RB1: variants seen among roughly 807,000 people sequenced by gnomAD.
The protein encoded by RB1 is RB transcriptional corepressor 1.
Under a neutral mutation model 135.4 loss-of-function variants are expected in RB1, and 18 were observed. The observed-to-expected ratio is 0.13, with a 90% CI of 0.09 to 0.20. The LOEUF (loss-of-function observed/expected upper bound fraction) is 0.20, where lower values mean the gene tolerates loss of function less well. RB1 is among the 10% of genes least tolerant of loss of function. RB1 has a pLI of 1.00. For missense variants in RB1, 868 were observed against 1,110.0 expected (o/e 0.78, Z 3.10); for synonymous variants, 365 against 373.2 (o/e 0.98, Z 0.25).
At chr13:48,346,498 G>A (rs4151470) in intron 4 of RB1, among the ~76,000 whole-genome samples, 1 of 147,952 alleles carries the variant, frequency 6.8e-6, no homozygotes, top group Non-Finnish European at 1.5e-5. Flanking sequence ...TTCATATCTG[G>A]TAGCTTATTT....
At chr13:48,355,525 A>C (rs537522280) in intron 6 of RB1, among the ~76,000 whole-genome samples, 1 of 152,218 alleles carries the variant, frequency 6.6e-6, no homozygotes, top group Non-Finnish European at 1.5e-5. Flanking sequence ...TCTCAAAAAA[A>C]TTAAAAATTG....
chr13:48,456,399 TG>T, intron 19 of RB1, 50 bp downstream of exon 19: 1 of 1,600,638 alleles, frequency 6.2e-7, no homozygotes, highest in South Asian at 1.1e-5. Flanking sequence ...CTAGGCTGAC[TG>T]GGTTCAAATC....
chr13:48,465,436 A>T, intron 23 of RB1, 68 bp downstream of exon 23: 1 of 1,412,222 alleles, frequency 7.1e-7, no homozygotes, highest in Non-Finnish European at 1.0e-6. Flanking sequence ...AAGAATAAAA[A>T]ATATAAAGCA....
At chr13:48,317,021 G>A (rs975039447) in intron 2 of RB1, 1 of 581,742 alleles carries the variant, frequency 1.7e-6, no homozygotes, top group Non-Finnish European at 2.8e-6. Context: ...TTTCCTCCGA[G>A]CCCGAGTTCC....
intron 17 of RB1, among the ~76,000 whole-genome samples, chr13:48,423,369 G>A (rs953240623): frequency 6.6e-6 from 1 of 151,732 alleles, no homozygotes; most frequent in Non-Finnish European, 1.5e-5. Flanking sequence ...CCGCAGGTTG[G>A]GTTTTTTCAC....
intron 23 of RB1, among the ~76,000 whole-genome samples, chr13:48,467,273 A>G (rs1949451886): frequency 8.0e-6 from 1 of 125,510 alleles, no homozygotes; most frequent in Non-Finnish European, 1.7e-5. Context: ...TAAAGAAAAG[A>G]ATTTTCAACC....
intron 14 of RB1, 33 bp downstream of exon 14, chr13:48,379,683 C>T (rs774319058): frequency 4.6e-5 from 73 of 1,591,736 alleles, no homozygotes; most frequent in South Asian, 4.4e-4. Flanking sequence ...AAATTTCAGC[C>T]GGGCGCGGTG....
At chr13:48,430,106 A>C (rs1036420718) in intron 17 of RB1, among the ~76,000 whole-genome samples, 1 of 152,186 alleles carries the variant, frequency 6.6e-6, no homozygotes, top group Non-Finnish European at 1.5e-5. Flanking sequence ...TGCATTCTCC[A>C]CACCTTCACC....
intron 2 of RB1, chr13:48,317,579 C>T (rs890635377): frequency 7.0e-6 from 3 of 431,056 alleles, no homozygotes; most frequent in East Asian, 6.3e-5. Flanking sequence ...CTTCTGGCAG[C>T]ATGCTCGGCC....
chr13:48,463,947 C>T, intron 21 of RB1, 112 bp downstream of exon 21: 1 of 650,154 alleles, frequency 1.5e-6, no homozygotes. Flanking sequence ...TCTGTCTGAC[C>T]TTATTATGTA....
In RB1 at chr13:48,342,600, G is replaced by A. The variant is rs371655281; in HGVS notation, c.266G>A (p.Gly89Glu). 2 of 1,561,834 alleles carry A rather than the reference G, an allele frequency of 1.3e-6. No individual in the cohort carries two copies. The highest frequency in any genetic ancestry group is 1.8e-6 in the Non-Finnish European group (2 of 1,133,266). ...TTGATCTTTATTTTTTGTTCCCAGG[G>A]AGGTTATATTCAAAAGAAAAAGGAA... ...EKVSSVDGVL[G>E]GYIQKKKELW... Residue 89 changes from glycine (G) to glutamate (E), a missense_variant and splice_region_variant, in exon 3 of 27, where the codon GGA (glycine) becomes GAA (glutamate). Physicochemically the swap from Gly to Glu is moderately conservative, Grantham distance 98. Coordinates refer to ENST00000267163, the MANE Select transcript of RB1 (RefSeq NM_000321.3).
intron 11 of RB1, 122 bp downstream of exon 11, chr13:48,368,726 C>A: frequency 7.2e-7 from 1 of 1,384,272 alleles, no homozygotes; most frequent in South Asian, 1.4e-5. Context: ...ATATTGAAGG[C>A]CAGGTGTGGT....
intron 2 of RB1, among the ~76,000 whole-genome samples, chr13:48,336,295 G>A (rs957739683): frequency 2.0e-5 from 3 of 152,144 alleles, no homozygotes; most frequent in Admixed American, 6.5e-5. Flanking sequence ...GTAGAATTCG[G>A]CTGTGAATTC....
intron 2 of RB1, among the ~76,000 whole-genome samples, chr13:48,330,676 T>C (rs1038375220): frequency 6.6e-6 from 1 of 152,100 alleles, no homozygotes; most frequent in South Asian, 2.1e-4. Flanking sequence ...AATCTACCAA[T>C]AGAGAAAAGC....
intron 2 of RB1, among the ~76,000 whole-genome samples, chr13:48,327,181 A>AT (rs1488608553): frequency 3.6e-5 from 4 of 111,174 alleles, no homozygotes; most frequent in Non-Finnish European, 9.5e-5. Flanking sequence ...TACAATGTTA[A>AT]ATTTTTTTTT....
intron 17 of RB1, among the ~76,000 whole-genome samples, chr13:48,447,767 A>G (rs903487795): frequency 4.6e-5 from 7 of 152,158 alleles, no homozygotes; most frequent in African/African-American, 1.7e-4. Flanking sequence ...TGACATACTC[A>G]TCATCATAAA....
intron 17 of RB1, among the ~76,000 whole-genome samples, chr13:48,398,973 GGAA>G (rs1240777892): frequency 2.6e-5 from 4 of 151,932 alleles, no homozygotes; most frequent in Non-Finnish European, 5.9e-5. Context: ...TTATTCCTCA[GGAA>G]GAAGGATTAA....
chr13:48,312,125 G>A (rs1218039851), intron 2 of RB1, among the ~76,000 whole-genome samples: 1 of 152,076 alleles, frequency 6.6e-6, no homozygotes, highest in Non-Finnish European at 1.5e-5. Flanking sequence ...TATATCTTTT[G>A]TTCTGCAGTG....
chr13:48,481,141 A>G lies in RB1; in HGVS notation c.*1070A>G. 4.3e-6 allele frequency: 1 copy of G among 231,056 alleles called. No individual in the cohort carries two copies. Among genetic ancestry groups the G allele is most frequent in the Non-Finnish European group, 8.6e-6 (1 of 116,502 alleles). 14.3% of individuals were successfully genotyped at this position (231,056 alleles called of 1,614,324 possible). A position where few individuals can be genotyped will look rare whatever the true frequency, so the allele number is the denominator to read the frequency against. ...TTCTCTGGAATGGTACATGTCTTCC[A>G]TGTATCTTTTGAACTGGCAATTGTC... On this transcript the variant is annotated 3_prime_UTR_variant, in exon 27 of 27. Coordinates refer to ENST00000267163, the MANE Select transcript of RB1 (RefSeq NM_000321.3).
Sources: allele counts gnomAD v4.1 joint callset (sites outside exome capture counted in the v4.1 genomes callset), GRCh38; gene constraint gnomAD v4.1.1; transcripts MANE v1.5; gene names NCBI Gene and HGNC (gene_info 2026-07-23, HGNC 2026-07-21).